Variants in KLRD1 observed in about 807,000 individuals in gnomAD.
The protein encoded by KLRD1 is natural killer cells antigen CD94.
Under a neutral mutation model 22.6 loss-of-function variants are expected in KLRD1, and 21 were observed. That is an observed-to-expected ratio of 0.93 (90% CI 0.66 to 1.34). The LOEUF (loss-of-function observed/expected upper bound fraction) is 1.34. KLRD1 is among the 40% of genes most tolerant of loss of function. The probability of loss-of-function intolerance (pLI) is 0.00; values close to 1 mark genes in which losing one functional copy is unlikely to be tolerated. For missense variants in KLRD1, 183 were observed against 208.6 expected (o/e 0.88, Z 0.76); for synonymous variants, 59 against 71.1 (o/e 0.83, Z 0.85).
At chr12:10,297,813 G>T (rs773701522) in intron 1 of KLRD1, among the ~76,000 whole-genome samples, 1 of 152,174 alleles carries the variant, frequency 6.6e-6, no homozygotes, top group African/African-American at 2.4e-5. Context: ...TTTGCCTCTT[G>T]CTTTGACACA....
At chr12:10,260,351 T>G (rs1486614867) in intron 1 of KLRD1, among the ~76,000 whole-genome samples, 1 of 152,230 alleles carries the variant, frequency 6.6e-6, no homozygotes, top group African/African-American at 2.4e-5. Context: ...GTCTTTTTTT[T>G]TCAACAGTTA....
chr12:10,260,965 CA>C (rs754538135), intron 1 of KLRD1, among the ~76,000 whole-genome samples: 9 of 46,782 alleles, frequency 1.9e-4, no homozygotes, highest in Admixed American at 3.6e-4. Context: ...AACAAAAAAC[CA>C]AAAAAAAAAA....
At chr12:10,245,832 A>G (rs1311436996) in intron 1 of KLRD1, among the ~76,000 whole-genome samples, 1 of 151,856 alleles carries the variant, frequency 6.6e-6, no homozygotes, top group African/African-American at 2.4e-5. Context: ...ATTTTACTTT[A>G]TTTTGGAGGA....
intron 1 of KLRD1, among the ~76,000 whole-genome samples, chr12:10,287,573 TA>T (rs1233309928): frequency 6.6e-6 from 1 of 152,178 alleles, no homozygotes; most frequent in Non-Finnish European, 1.5e-5. Flanking sequence ...ATAAAACCTA[TA>T]AATAGATATT....
chr12:10,262,794 C>T (rs1427660776), intron 1 of KLRD1, among the ~76,000 whole-genome samples: 1 of 151,818 alleles, frequency 6.6e-6, no homozygotes, highest in Non-Finnish European at 1.5e-5. Context: ...TTCTTACACA[C>T]AATTTATGCA....
intron 1 of KLRD1, among the ~76,000 whole-genome samples, chr12:10,264,009 T>C (rs1216540246): frequency 6.6e-6 from 1 of 152,138 alleles, no homozygotes; most frequent in African/African-American, 2.4e-5. Flanking sequence ...TCCCTATCTT[T>C]TTCAAAATGA....
At chr12:10,272,185 G>T (rs1412937857) in intron 1 of KLRD1, among the ~76,000 whole-genome samples, 1 of 152,118 alleles carries the variant, frequency 6.6e-6, no homozygotes, top group Non-Finnish European at 1.5e-5. Context: ...AGCATGAAAA[G>T]CCGTTATCTA....
At chr12:10,239,524 T>TTTCC (rs1949219180) in intron 1 of KLRD1, among the ~76,000 whole-genome samples, 2 of 22,742 alleles carry the variant, frequency 8.8e-5, no homozygotes, top group African/African-American at 2.9e-4. Context: ...CTCCCCTTTC[T>TTTCC]TTCTTTCTTT....
rs188959487 is a variant in KLRD1 at position 10,309,550 on chromosome 12, A to G, written c.100+70A>G. 25 of 1,281,400 alleles carry G rather than the reference A, an allele frequency of 2.0e-5. No homozygotes were observed. In the East Asian group the frequency reaches 5.6e-4, roughly 28 times the overall value. The allele number at this position is 1,281,400 out of a possible 1,614,324, so 79.4% of individuals were successfully genotyped here. On this transcript the variant is annotated intron_variant, in intron 2 of 5. Transcript: ENST00000336164. ...GACATCATTTAATAATAAAGGCTTC[A>G]TCTTGCTAATGTGTAATATTTTAGT...
intron 1 of KLRD1, among the ~76,000 whole-genome samples, chr12:10,284,852 A>G (rs1186183107): frequency 6.6e-6 from 1 of 152,032 alleles, no homozygotes; most frequent in Non-Finnish European, 1.5e-5. Context: ...ATGGTGGTGC[A>G]TGCCTGTAAT....
At chr12:10,308,932 G>A (rs944804431) in intron 1 of KLRD1, 1 of 154,952 alleles carries the variant, frequency 6.5e-6, no homozygotes, top group Non-Finnish European at 1.4e-5. Flanking sequence ...TACTTGCTTT[G>A]ATACCTTGAG....
intron 1 of KLRD1, among the ~76,000 whole-genome samples, chr12:10,264,309 T>C (rs894821869): frequency 6.6e-6 from 1 of 152,112 alleles, no homozygotes; most frequent in African/African-American, 2.4e-5. Context: ...AGGACAAAGT[T>C]TGATAATAGT....
Position 10,290,173 on chromosome 12 carries a change from A to C in KLRD1, c.-100-17805A>C, listed in dbSNP as rs534396297. On this transcript the variant is annotated intron_variant, in intron 1 of 5. Transcript: ENST00000544747. ...TTTCCAACGCCCAAAATATAACTGC[A>C]AAGGCATTGGACAACGTAAATTAAA... Among the ~76,000 whole-genome samples the C allele has an allele frequency of 7.2e-5, 11 of 152,374 alleles. No individual in the cohort carries two copies. The South Asian group carries it at 2.1e-3, about 29-fold the overall frequency.
intron 1 of KLRD1, among the ~76,000 whole-genome samples, chr12:10,246,636 AT>A (rs1295763019): frequency 6.6e-6 from 1 of 152,146 alleles, no homozygotes; most frequent in Non-Finnish European, 1.5e-5. Flanking sequence ...TGCATATTCT[AT>A]TTTATTCTGT....
At chr12:10,252,612 T>C (rs914222934) in intron 1 of KLRD1, among the ~76,000 whole-genome samples, 1 of 152,192 alleles carries the variant, frequency 6.6e-6, no homozygotes, top group Non-Finnish European at 1.5e-5. Flanking sequence ...ATAGAATCAT[T>C]AGTTGTCTTA....
chr12:10,239,291 T>C (rs1289309067), intron 1 of KLRD1, among the ~76,000 whole-genome samples: 1 of 152,212 alleles, frequency 6.6e-6, no homozygotes, highest in Non-Finnish European at 1.5e-5. Flanking sequence ...GCACGGGTTC[T>C]AATAAGCCCA....
At chr12:10,280,155 G>A (rs1250201101) in intron 1 of KLRD1, among the ~76,000 whole-genome samples, 3 of 152,216 alleles carry the variant, frequency 2.0e-5, no homozygotes, top group Non-Finnish European at 4.4e-5. Context: ...GTGGTTGGAA[G>A]TGTTCTGTAC....
upstream of KLRD1, among the ~76,000 whole-genome samples, chr12:10,305,588 G>T (rs3759272): frequency 0.56 from 84,797 of 151,906 alleles, 24,575 homozygotes; most frequent in Middle Eastern, 0.68. Flanking sequence ...TGAGACTGCT[G>T]GACTGTATAG....
At position 10,324,818 on chromosome 12, in the gene KLRD1, GTATATATATATATA is replaced by G. The variant is rs1555113906; in HGVS notation, c.*10037_*10050del. Reference sequence around the variant, plus strand: ...AGTATATATGTATATGTGTGTGTGTGTATATATATATATATATATATATATTCATTTACACAGTT... The same window carrying G: ...AGTATATATGTATATGTGTGTGTGTGTATATATATATTCATTTACACAGTT... On this transcript the variant is annotated 3_prime_UTR_variant, in exon 6 of 6. Coordinates refer to ENST00000336164, the MANE Select transcript of KLRD1 (RefSeq NM_002262.5). The G allele has an allele frequency of 2.7e-5, 2 of 74,144 alleles. No homozygotes were observed. Among genetic ancestry groups the G allele is most frequent in the Non-Finnish European group, 5.3e-5 (2 of 37,694 alleles). The allele number at this position is 74,144 out of a possible 1,614,324, so 4.6% of individuals were successfully genotyped here. A position where few individuals can be genotyped will look rare whatever the true frequency, so the allele number is the denominator to read the frequency against.
Sources: gnomAD v4.1 joint callset for allele counts (sites outside exome capture counted in the v4.1 genomes callset) on GRCh38, gnomAD v4.1.1 for gene constraint, MANE v1.5 for transcripts, NCBI Gene and HGNC (gene_info 2026-07-23, HGNC 2026-07-21) for gene names.